Variants in NLRP6 observed in about 807,000 individuals in gnomAD.
The protein encoded by NLRP6 is NACHT, LRR and PYD domains-containing protein 6.
Under a neutral mutation model 70.9 loss-of-function variants are expected in NLRP6, and 55 were observed. The observed-to-expected ratio is 0.78, with a 90% CI of 0.62 to 0.97. The LOEUF (loss-of-function observed/expected upper bound fraction) is 0.97. Ranked by LOEUF, NLRP6 falls within the 50% of genes least tolerant of loss-of-function variation. The pLI, the probability that NLRP6 is intolerant of heterozygous loss-of-function variation, is 0.00. For missense variants in NLRP6, 1,241 were observed against 1,238.3 expected (o/e 1.00, Z -0.03); for synonymous variants, 652 against 581.9 (o/e 1.12, Z -1.73).
chr11:280,022 C>T (rs1044025589), intron 3 of NLRP6, 62 bp from the exon 4 acceptor site: 2 of 1,429,468 alleles, frequency 1.4e-6, no homozygotes, highest in South Asian at 3.0e-5. Context: ...CGTGGGCTCC[C>T]GGAGGGCGCA....
rs201653082 is a variant in NLRP6 at position 280,173 on chromosome 11, T to C, written c.439T>C (p.Phe147Leu). Residue 147 changes from phenylalanine to leucine, a missense_variant, in exon 4 of 8, where the codon TTC becomes CTC. Phe to Leu is a conservative substitution (Grantham distance 22). Coordinates refer to ENST00000534750, the MANE Select transcript of NLRP6 (RefSeq NM_001276700.2). Reference sequence around the variant, plus strand: ...CCGCTCCGTGAAGATCACCAAGCGCTTCACCAAGCTGCTCATCGCGCCCGA... The same window carrying C: ...CCGCTCCGTGAAGATCACCAAGCGCCTCACCAAGCTGCTCATCGCGCCCGA... Reference protein sequence around the residue: ...NARSVKITKRFTKLLIAPESA... With the variant: ...NARSVKITKRLTKLLIAPESA... 332 of 1,549,908 alleles carry C rather than the reference T, an allele frequency of 2.1e-4. No individual in the cohort carries two copies. The highest frequency in any genetic ancestry group is 2.6e-4 in the Non-Finnish European group (298 of 1,147,274).
At position 281,719 on chromosome 11, in the gene NLRP6, G is replaced by C. The variant is rs775938217; in HGVS notation, c.1985G>C (p.Cys662Ser). 5.0e-6 allele frequency: 8 copies of C among 1,613,324 alleles called. No homozygotes were observed. The South Asian group carries it at 8.8e-5, about 18-fold the overall frequency. The change falls in exon 4 of 8, where the codon TGC becomes TCC. Residue 662 changes from cysteine to serine, a missense_variant. Transcript: ENST00000534750. ...CRMDVAVLSY[C>S]VRCCPAGQAL... ...ATGGACGTGGCTGTTCTGAGCTACTGCGTGAGGTGCTGCCCTGCTGGACAG... is the reference window on the plus strand; with the variant it reads ...ATGGACGTGGCTGTTCTGAGCTACTCCGTGAGGTGCTGCCCTGCTGGACAG...
At position 280,248 on chromosome 11, in the gene NLRP6, G is replaced by T; in HGVS notation, c.514G>T (p.Gly172Trp). The change falls in exon 4 of 8, where the codon GGG becomes TGG. Residue 172 changes from glycine (G) to tryptophan (W), a missense_variant. By Grantham distance (184) the Gly-to-Trp change is radical (BLOSUM62 -2). Transcript: ENST00000534750. ...AMGPAEEPEPGRARRSDTHTF... is the reference protein window; with the variant it reads ...AMGPAEEPEPWRARRSDTHTF... Reference sequence around the variant, plus strand: ...GGGGCCCGCGGAAGAGCCTGAGCCGGGGCGCGCGCGGCGCTCGGACACGCA... The same window carrying T: ...GGGGCCCGCGGAAGAGCCTGAGCCGTGGCGCGCGCGGCGCTCGGACACGCA... 1 of 1,528,118 alleles carries T rather than the reference G, an allele frequency of 6.5e-7. No individual in the cohort carries two copies. The highest frequency in any genetic ancestry group is 8.8e-7 in the Non-Finnish European group (1 of 1,139,146). 94.7% of individuals were successfully genotyped at this position (1,528,118 alleles called of 1,614,324 possible).
At position 280,128 on chromosome 11, in the gene NLRP6, C is replaced by A; in HGVS notation, c.394C>A (p.Arg132=). ...GGAGCACGTGCTGCAGCTGCACGCTCGGGTGAAGGAGAGGAACGCCCGCTC... is the reference window on the plus strand; with the variant it reads ...GGAGCACGTGCTGCAGCTGCACGCTAGGGTGAAGGAGAGGAACGCCCGCTC... ...YREHVLQLHA[R]VKERNARSVK... Residue 132 remains arginine, a synonymous_variant, in exon 4 of 8, where the codon CGG becomes AGG. Coordinates refer to ENST00000534750, the MANE Select transcript of NLRP6 (RefSeq NM_001276700.2). 6.5e-7 allele frequency: 1 copy of A among 1,536,382 alleles called. No individual in the cohort carries two copies. The highest frequency in any genetic ancestry group is 2.4e-5 in the East Asian group (1 of 41,454).
Position 279,838 on chromosome 11 carries a change from C to G in NLRP6, c.315C>G (p.Leu105=), listed in dbSNP as rs755229311. 5.1e-6 allele frequency: 8 copies of G among 1,576,860 alleles called. No individual in the cohort carries two copies. The highest frequency in any genetic ancestry group is 6.9e-6 in the Non-Finnish European group (8 of 1,164,940). Reference sequence around the variant, plus strand: ...TCACCCCAGTTTCCCTTCCAGGGCTCGGGCTCGGCTCCGGGACGCTGCTCT... The same window carrying G: ...TCACCCCAGTTTCCCTTCCAGGGCTGGGGCTCGGCTCCGGGACGCTGCTCT... ...AQLQERRLQR[L]GLGSGTLLSV... is the part of the protein sequence containing the mutation. Residue 105 remains leucine (L), a synonymous_variant, in exon 3 of 8, where the codon CTC becomes CTG. Coordinates refer to ENST00000534750, the MANE Select transcript of NLRP6 (RefSeq NM_001276700.2).
chr11:285,144 T>C, intron 7 of NLRP6, 22 bp from the exon 8 acceptor site: 2 of 1,569,644 alleles, frequency 1.3e-6, no homozygotes, highest in African/African-American at 1.3e-5. Context: ...TGACCCCGCT[T>C]CTGCTCTGCG....
Position 280,141 on chromosome 11 carries a change from G to A in NLRP6, c.407G>A (p.Arg136Lys). ...CAGCTGCACGCTCGGGTGAAGGAGA[G>A]GAACGCCCGCTCCGTGAAGATCACC... ...VLQLHARVKE[R>K]NARSVKITKR... is the part of the protein sequence containing the mutation. Residue 136 changes from arginine to lysine, a missense_variant, in exon 4 of 8, where the codon AGG (arginine) becomes AAG (lysine). By Grantham distance (26) the Arg-to-Lys change is conservative. Coordinates refer to ENST00000534750, the MANE Select transcript of NLRP6 (RefSeq NM_001276700.2). 2 of 1,549,684 alleles carry A rather than the reference G, an allele frequency of 1.3e-6. No homozygotes were observed. Among genetic ancestry groups the A allele is most frequent in the Non-Finnish European group, 1.7e-6 (2 of 1,148,096 alleles).
rs1243428466 is a variant in NLRP6, at chr11:281,871, G to A, written c.2105+32G>A. 2.6e-6 allele frequency: 4 copies of A among 1,530,786 alleles called. No homozygotes were observed. The African/African-American group carries it at 4.1e-5, about 16-fold the overall frequency. The allele number at this position is 1,530,786 out of a possible 1,614,324, so 94.8% of individuals were successfully genotyped here. On this transcript the variant is annotated intron_variant, in intron 4 of 7. Transcript: ENST00000534750. ...CTCCAGGGCAGAGATACTCTCTTGT[G>A]TGTGAGGTGTGTGTGCCGGTGCAAA...
At position 285,283 on chromosome 11, in the gene NLRP6, G is replaced by T. The variant is rs1418961532; in HGVS notation, c.2655G>T (p.Lys885Asn). 1 of 1,609,386 alleles carries T rather than the reference G, an allele frequency of 6.2e-7. No homozygotes were observed. The highest frequency in any genetic ancestry group is 1.3e-5 in the African/African-American group (1 of 74,864). ...PALDGHPQPP[K>N]ELISTF ...TGGACGGCCACCCACAACCTCCCAAGGAACTCATCTCGACCTTCTGAGGCT... is the reference window on the plus strand; with the variant it reads ...TGGACGGCCACCCACAACCTCCCAATGAACTCATCTCGACCTTCTGAGGCT... Residue 885 changes from lysine (K) to asparagine (N), a missense_variant, in exon 8 of 8, where the codon AAG (lysine) becomes AAT (asparagine). Coordinates refer to ENST00000534750, the MANE Select transcript of NLRP6 (RefSeq NM_001276700.2).
rs1315288170 is a variant in NLRP6, at chr11:278,688, C to T, written c.29+90C>T. 9.5e-6 allele frequency: 9 copies of T among 947,648 alleles called. No individual in the cohort carries two copies. Among genetic ancestry groups the T allele is most frequent in the Non-Finnish European group, 1.2e-5 (8 of 645,818 alleles). 58.7% of individuals were successfully genotyped at this position (947,648 alleles called of 1,614,324 possible). On this transcript the variant is annotated intron_variant, in intron 1 of 7. Coordinates refer to ENST00000534750, the MANE Select transcript of NLRP6 (RefSeq NM_001276700.2). The surrounding 1 kb of genome is among the most constrained non-coding windows in gnomAD (Gnocchi z 4.7). The stretch of plus-strand genomic sequence containing the variant: ...TCACCCGCTGACTTCCTCAGGCTCT[C>T]CACCCTTGTCCACATCCTTCCCCCA...
chr11:283,459 G>A (rs1320159197), intron 5 of NLRP6, among the ~76,000 whole-genome samples: 2 of 151,698 alleles, frequency 1.3e-5, no homozygotes, highest in Admixed American at 1.3e-4. Context: ...GACTACAGGT[G>A]CCCGCCACTA....
rs1230346216 is a variant in NLRP6 at position 279,318 on chromosome 11, C to T, written c.30-9C>T. On this transcript the variant is annotated splice_polypyrimidine_tract_variant and intron_variant, in intron 1 of 7. Transcript: ENST00000534750. ...CGCTCCCCGATGACCCGCGCCCGCC[C>T]GCCTCCAGCACGGGGCCGCGCCTCG... 3.2e-6 allele frequency: 4 copies of T among 1,268,332 alleles called. No individual in the cohort carries two copies. The highest frequency in any genetic ancestry group is 3.2e-5 in the East Asian group (1 of 31,642). 78.6% of individuals were successfully genotyped at this position (1,268,332 alleles called of 1,614,324 possible). A position where few individuals can be genotyped will look rare whatever the true frequency, so the allele number is the denominator to read the frequency against.
At chr11:284,207 ATC>A (rs764920490) in intron 5 of NLRP6, 21 bp from the exon 6 acceptor site, 5 of 1,611,718 alleles carry the variant, frequency 3.1e-6, no homozygotes, top group Non-Finnish European at 4.2e-6. Context: ...CTGCAGGTAA[ATC>A]TCTGTGCTTC....
chr11:282,627 C>T lies in NLRP6; in HGVS notation c.2106-78C>T, dbSNP rs1845494841. The T allele has an allele frequency of 4.4e-6, 5 of 1,131,978 alleles. No homozygotes were observed. In the South Asian group the frequency reaches 6.2e-5, roughly 14 times the overall value. 70.1% of individuals were successfully genotyped at this position (1,131,978 alleles called of 1,614,324 possible). A position where few individuals can be genotyped will look rare whatever the true frequency, so the allele number is the denominator to read the frequency against. The stretch of plus-strand genomic sequence containing the variant: ...GAGGGGCAGCTCTGAGACCCCAGGA[C>T]TACAGATAGACAGGAGTCCTTTCCG... On this transcript the variant is annotated intron_variant, in intron 4 of 7. Transcript: ENST00000534750.
Position 278,598 on chromosome 11 carries a change from G to A in NLRP6, c.29G>A (p.Ser10Asn), listed in dbSNP as rs973451171. Residue 10 changes from serine (S) to asparagine (N), a missense_variant and splice_region_variant, in exon 1 of 8, where the codon AGC (serine) becomes AAC (asparagine). Transcript: ENST00000534750. The surrounding 1 kb of genome is among the most constrained non-coding windows in gnomAD (Gnocchi z 4.7). ...GACCAGCCAGAGGCCCCCTGCTCCA[G>A]GTGAGTGCTGGCCCCAGGGTGGTCA... is the stretch of plus-strand genomic sequence containing the variant. Reference protein sequence around the residue: MDQPEAPCSSTGPRLAVARE... With the variant: MDQPEAPCSNTGPRLAVARE... The A allele has an allele frequency of 6.3e-7, 1 of 1,590,244 alleles. No individual in the cohort carries two copies. The highest frequency in any genetic ancestry group is 2.4e-5 in the East Asian group (1 of 41,786).
At chr11:279,672 C>T (rs1457614184) in intron 2 of NLRP6, 65 bp downstream of exon 2, 1 of 1,363,810 alleles carries the variant, frequency 7.3e-7, no homozygotes. Flanking sequence ...TTCCCGCTTC[C>T]CGGAGAAGCC....
chr11:284,695 G>T, intron 7 of NLRP6, 53 bp downstream of exon 7: 9 of 1,523,790 alleles, frequency 5.9e-6, no homozygotes, highest in Non-Finnish European at 8.0e-6. Flanking sequence ...AACCCGGGGA[G>T]GGGGAGGGTG....
rs774608387 is a variant in NLRP6, at chr11:280,474, G to T, written c.740G>T (p.Arg247Leu). ...GAGCTGCTGGAGAGGCCGGGCACGC[G>T]CAGCCTGGCTGACCTGATCCTGGAC... is the stretch of plus-strand genomic sequence containing the variant. ...CGELLERPGT[R>L]SLADLILDQC... The change falls in exon 4 of 8, where the codon CGC (arginine) becomes CTC (leucine). Residue 247 changes from arginine (R) to leucine (L), a missense_variant. Arg to Leu is a moderately radical substitution (Grantham distance 102, BLOSUM62 -2). Transcript: ENST00000534750. The T allele has an allele frequency of 2.5e-6, 4 of 1,592,122 alleles. No individual in the cohort carries two copies. Among genetic ancestry groups the T allele is most frequent in the South Asian group, 2.2e-5 (2 of 90,386 alleles).
chr11:280,161 A>G lies in NLRP6; in HGVS notation c.427A>G (p.Ile143Val), dbSNP rs775643524. The change falls in exon 4 of 8, where the codon ATC (isoleucine) becomes GTC (valine). Residue 143 changes from isoleucine to valine, a missense_variant. Transcript: ENST00000534750. ...VKERNARSVK[I>V]TKRFTKLLIA... ...GGAGAGGAACGCCCGCTCCGTGAAGATCACCAAGCGCTTCACCAAGCTGCT... is the reference window on the plus strand; with the variant it reads ...GGAGAGGAACGCCCGCTCCGTGAAGGTCACCAAGCGCTTCACCAAGCTGCT... 41 of 1,550,732 alleles carry G rather than the reference A, an allele frequency of 2.6e-5. No individual in the cohort carries two copies. Among genetic ancestry groups the G allele is most frequent in the Non-Finnish European group, 3.3e-5 (38 of 1,148,038 alleles).
Sources: allele counts gnomAD v4.1 joint callset (sites outside exome capture counted in the v4.1 genomes callset), GRCh38; gene constraint gnomAD v4.1.1; non-coding constraint Gnocchi (gnomAD v3.1); transcripts MANE v1.5; gene names NCBI Gene and HGNC (gene_info 2026-07-23, HGNC 2026-07-21).